Variants in FRMPD2 observed in about 807,000 individuals in gnomAD.
FRMPD2 encodes the protein FERM and PDZ domain-containing protein 2.
FRMPD2 carries 96 observed loss-of-function variants against 140.1 expected under a neutral mutation model. The ratio of observed to expected loss-of-function variants is 0.69; its 90% CI spans 0.58 to 0.81. FRMPD2 has a LOEUF of 0.81. Among genes scored for constraint, FRMPD2 ranks in the 40% least tolerant of loss-of-function variants. The pLI, the probability that FRMPD2 is intolerant of heterozygous loss-of-function variation, is 0.00. For missense variants in FRMPD2, 1,240 were observed against 1,447.4 expected, an observed-to-expected ratio of 0.86 and a Z score of 2.32; for synonymous variants, 449 against 547.6, an observed-to-expected ratio of 0.82 and a Z score of 2.52.
intron 12 of FRMPD2, among the ~76,000 whole-genome samples, chr10:48,219,443 T>A (rs898304653): frequency 6.6e-6 from 1 of 152,164 alleles, no homozygotes; most frequent in African/African-American, 2.4e-5. Flanking sequence ...CCTTCCTCTC[T>A]GCTCCTACTG....
rs201555670 is a variant in FRMPD2 at position 48,249,107 on chromosome 10, G to A, written c.223C>T (p.Arg75Cys). ...GGAGCAGCCTCTATATGAGAAACAC[G>A]GCCTTGGAAAGAAAGGCTTCCAGCT... is the stretch of plus-strand genomic sequence containing the variant. ...SAAGSLSFQG[R>C]VSHIEAAPFK... Residue 75 changes from arginine to cysteine, a missense_variant, in exon 3 of 29, where the codon CGT becomes TGT. Physicochemically the swap from Arg to Cys is radical, Grantham distance 180. Around this residue, in one of 6 missense-constraint regions of FRMPD2, gnomAD observed 1,161 missense variants for 1,055.9 expected, o/e 1.10. Transcript: ENST00000374201. The A allele has an allele frequency of 1.8e-5, 29 of 1,613,926 alleles. No individual in the cohort carries two copies. Among genetic ancestry groups the A allele is most frequent in the Middle Eastern group, 1.7e-4 (1 of 6,026 alleles).
chr10:48,229,890 G>A (rs1839811129), intron 10 of FRMPD2, among the ~76,000 whole-genome samples: 1 of 152,160 alleles, frequency 6.6e-6, no homozygotes. Context: ...CAGAAAGGAT[G>A]GAAAGAATTC....
chr10:48,173,710 G>A (rs1242305358), intron 24 of FRMPD2, among the ~76,000 whole-genome samples: 1 of 152,020 alleles, frequency 6.6e-6, no homozygotes, highest in Non-Finnish European at 1.5e-5. Context: ...CCAAACCCAT[G>A]GCACCCCAGG....
At chr10:48,249,254 G>A (rs1038411375) in intron 2 of FRMPD2, 76 bp from the exon 3 acceptor site, 1 of 1,459,866 alleles carries the variant, frequency 6.8e-7, no homozygotes, top group Non-Finnish European at 9.4e-7. Flanking sequence ...GTGCCCAGCA[G>A]GTGCCTGGCA....
chr10:48,171,599 T>C (rs1199898634), intron 25 of FRMPD2, among the ~76,000 whole-genome samples: 1 of 152,416 alleles, frequency 6.6e-6, no homozygotes, highest in African/African-American at 2.4e-5. Context: ...AAAAAATTAT[T>C]AACGAGATAT....
chr10:48,220,208 C>T (rs971279888), intron 12 of FRMPD2, among the ~76,000 whole-genome samples: 2 of 152,132 alleles, frequency 1.3e-5, no homozygotes, highest in Admixed American at 6.5e-5. Context: ...CCATAGTCAC[C>T]AGAACAGCAT....
At chr10:48,220,507 C>T (rs1416534558) in intron 12 of FRMPD2, among the ~76,000 whole-genome samples, 1 of 152,102 alleles carries the variant, frequency 6.6e-6, no homozygotes, top group Non-Finnish European at 1.5e-5. Flanking sequence ...ACCAGAAAAA[C>T]CCTTCTGGAT....
At chr10:48,247,142 C>G (rs763576756) in intron 3 of FRMPD2, among the ~76,000 whole-genome samples, 2 of 152,232 alleles carry the variant, frequency 1.3e-5, no homozygotes, top group Non-Finnish European at 2.9e-5. Flanking sequence ...CTGGAGTCCT[C>G]GTGCCTCTGC....
At chr10:48,268,110 C>G (rs60503953) in intron 1 of FRMPD2, among the ~76,000 whole-genome samples, 10,562 of 152,130 alleles carry the variant, frequency 0.069, 1,173 homozygotes, top group African/African-American at 0.24. Context: ...ATACACACAT[C>G]GCAGATAAGC....
chr10:48,266,837 G>T (rs931082251), intron 1 of FRMPD2, among the ~76,000 whole-genome samples: 1 of 152,176 alleles, frequency 6.6e-6, no homozygotes, highest in African/African-American at 2.4e-5. Context: ...TGTAAGAGAG[G>T]GTCAGTACTT....
In FRMPD2 at chr10:48,244,851, T is replaced by A. The variant is rs1410723259; in HGVS notation, c.310-2A>T. The A allele has an allele frequency of 6.2e-7, 1 of 1,606,370 alleles. No individual in the cohort carries two copies. The highest frequency in any genetic ancestry group is 8.5e-7 in the Non-Finnish European group (1 of 1,172,960). On this transcript the variant is annotated splice_acceptor_variant, in intron 3 of 28. Coordinates refer to ENST00000374201, the MANE Select transcript of FRMPD2 (RefSeq NM_001018071.4). LOFTEE classifies it high-confidence loss of function. Reference sequence around the variant, plus strand: ...CATTCCTAAAGAATAGACATGCATCTGCCCAAAAGAAGAGTACATGATTAG... The same window carrying A: ...CATTCCTAAAGAATAGACATGCATCAGCCCAAAAGAAGAGTACATGATTAG...
At chr10:48,215,859 T>C (rs2131890589) in intron 12 of FRMPD2, among the ~76,000 whole-genome samples, 1 of 152,254 alleles carries the variant, frequency 6.6e-6, no homozygotes. Flanking sequence ...GACTGGGCCA[T>C]GGGGTGCCCA....
At chr10:48,212,378 C>A (rs1839347953) in intron 12 of FRMPD2, among the ~76,000 whole-genome samples, 1 of 152,154 alleles carries the variant, frequency 6.6e-6, no homozygotes, top group Admixed American at 6.5e-5. Context: ...TTTTCTGATT[C>A]TCACAGGAAT....
At chr10:48,266,774 T>C (rs1371355994) in intron 1 of FRMPD2, among the ~76,000 whole-genome samples, 1 of 152,242 alleles carries the variant, frequency 6.6e-6, no homozygotes, top group Admixed American at 6.5e-5. Flanking sequence ...CACTTTCCTC[T>C]GGTGATAACA....
intron 20 of FRMPD2, among the ~76,000 whole-genome samples, chr10:48,182,232 C>T (rs1292089657): frequency 5.3e-5 from 8 of 152,164 alleles, no homozygotes; most frequent in African/African-American, 1.9e-4. Flanking sequence ...CCCTTTCATT[C>T]ACAGATTCTG....
rs1838691426 is a variant in FRMPD2 at position 48,186,573 on chromosome 10, C to A, written c.2266+619G>T. Reference sequence around the variant, plus strand: ...TTCCTCATTTTTCTCTTGCTGCCATCATGTAAGAAGTGCCTTTCACCTCCC... The same window carrying A: ...TTCCTCATTTTTCTCTTGCTGCCATAATGTAAGAAGTGCCTTTCACCTCCC... On this transcript the variant is annotated intron_variant, in intron 17 of 28. Coordinates refer to ENST00000374201, the MANE Select transcript of FRMPD2 (RefSeq NM_001018071.4). Among the ~76,000 whole-genome samples the A allele has an allele frequency of 2.0e-5, 3 of 152,330 alleles. No individual in the cohort carries two copies. The South Asian group carries it at 6.2e-4, about 32-fold the overall frequency.
rs780842281 is a variant in FRMPD2 at position 48,222,380 on chromosome 10, T to C, written c.1388A>G (p.Asn463Ser). ...CCCCAGCTGCAGCAGTATCTCTTCA[T>C]TGCAGTACAGCCTCTCCTCCAGGAT... is the stretch of plus-strand genomic sequence containing the variant. ...KDILEERLYC[N>S]EEILLQLGVL... The change falls in exon 12 of 29, where the codon AAT becomes AGT. Residue 463 changes from asparagine to serine, a missense_variant. By Grantham distance (46) the Asn-to-Ser change is conservative. Coordinates refer to ENST00000374201, the MANE Select transcript of FRMPD2 (RefSeq NM_001018071.4). 113 of 1,614,068 alleles carry C rather than the reference T, an allele frequency of 7.0e-5. No homozygotes were observed. Among genetic ancestry groups the C allele is most frequent in the Middle Eastern group, 6.6e-4 (4 of 6,084 alleles).
chr10:48,274,576 C>G lies in FRMPD2; in HGVS notation c.-9G>C. 1 of 1,614,088 alleles carries G rather than the reference C, an allele frequency of 6.2e-7. No homozygotes were observed. Among genetic ancestry groups the G allele is most frequent in the Non-Finnish European group, 8.5e-7 (1 of 1,179,912 alleles). On this transcript the variant is annotated 5_prime_UTR_variant, in exon 1 of 29. Transcript: ENST00000374201. ...TTCGTTAAAGGCTGCATCCAAAAGT[C>G]TCCGTGACCAGGTCTAGGCCTTCAT... is the stretch of plus-strand genomic sequence containing the variant.
At chr10:48,183,940 C>A (rs1168193169) in intron 20 of FRMPD2, among the ~76,000 whole-genome samples, 1 of 150,008 alleles carries the variant, frequency 6.7e-6, no homozygotes, top group Non-Finnish European at 1.5e-5. Flanking sequence ...AAGAGGGGAA[C>A]AACACACACC....
Sources: allele counts gnomAD v4.1 joint callset (sites outside exome capture counted in the v4.1 genomes callset), GRCh38; gene constraint gnomAD v4.1.1; regional missense constraint gnomAD v4.1.1; transcripts MANE v1.5; gene names NCBI Gene and HGNC (gene_info 2026-07-23, HGNC 2026-07-21).